Variants in INSL6 observed in about 807,000 individuals in gnomAD.
The protein encoded by INSL6 is insulin like 6.
In INSL6, 16 loss-of-function variants were observed where a neutral mutation model predicts 9.4. That is an observed-to-expected ratio of 1.70 (90% CI 1.15 to 2.59). INSL6 has a LOEUF of 2.59. Among genes scored for constraint, INSL6 ranks in the 30% most tolerant of loss-of-function variants. The pLI, the probability that INSL6 is intolerant of heterozygous loss-of-function variation, is 0.00. For missense variants in INSL6, 391 were observed against 257.3 expected (o/e 1.52, Z -3.56); for synonymous variants, 154 against 96.9 (o/e 1.59, Z -3.46).
At chr9:4,997,294 A>C in the INSL6 span, among the ~76,000 whole-genome samples, 1 of 152,166 alleles carries the variant, frequency 6.6e-6, no homozygotes, top group Admixed American at 6.5e-5. Context: ...TATAAAGAAA[A>C]GAGATTTAAT....
At chr9:5,018,520 G>A in the INSL6 span, among the ~76,000 whole-genome samples, 31 of 152,072 alleles carry the variant, frequency 2.0e-4, no homozygotes, top group Admixed American at 4.6e-4. Context: ...TGTATTTTTC[G>A]TAGACATGGG....
the INSL6 span, chr9:5,114,670 G>C: frequency 2.3e-6 from 1 of 441,230 alleles, no homozygotes; most frequent in African/African-American, 2.0e-5. Flanking sequence ...AAGGGCTCTG[G>C]CGTCTTAGTC....
chr9:5,032,926 C>G, the INSL6 span, among the ~76,000 whole-genome samples: 1 of 152,154 alleles, frequency 6.6e-6, no homozygotes, highest in African/African-American at 2.4e-5. Flanking sequence ...GAGAAGAAGG[C>G]TTCAGACGAT....
At chr9:5,000,811 A>G in the INSL6 span, among the ~76,000 whole-genome samples, 40,100 of 152,054 alleles carry the variant, frequency 0.26, 5,497 homozygotes, top group South Asian at 0.32. Context: ...CTGGATAAAG[A>G]AGGTGGTTGG....
chr9:5,036,926 A>T, the INSL6 span, among the ~76,000 whole-genome samples: 1 of 152,230 alleles, frequency 6.6e-6, no homozygotes, highest in Non-Finnish European at 1.5e-5. Context: ...TGAACAGGCA[A>T]CCTACAGAAT....
chr9:5,179,433 G>A (rs1006425188), intron 1 of INSL6, among the ~76,000 whole-genome samples: 2 of 152,204 alleles, frequency 1.3e-5, no homozygotes, highest in Non-Finnish European at 1.5e-5. Flanking sequence ...GGAAGACAGT[G>A]TGGTGATTTC....
chr9:5,135,077 G>C (rs1428496944), intron 2 of INSL6, among the ~76,000 whole-genome samples: 2 of 152,010 alleles, frequency 1.3e-5, no homozygotes, highest in Admixed American at 6.6e-5. Context: ...CGAAGATCAA[G>C]AGACAAAGAA....
At chr9:5,053,998 T>C in the INSL6 span, among the ~76,000 whole-genome samples, 1 of 152,022 alleles carries the variant, frequency 6.6e-6, no homozygotes, top group Non-Finnish European at 1.5e-5. Context: ...TACATAGAGA[T>C]GAATGTACAG....
At chr9:5,135,331 A>ATGTCTG (rs1824370709) in intron 2 of INSL6, among the ~76,000 whole-genome samples, 2 of 151,342 alleles carry the variant, frequency 1.3e-5, no homozygotes, top group Non-Finnish European at 3.0e-5. Context: ...TGGACCAAGC[A>ATGTCTG]GACCTAACAG....
the INSL6 span, among the ~76,000 whole-genome samples, chr9:5,013,361 T>C: frequency 1.3e-5 from 2 of 152,234 alleles, no homozygotes; most frequent in Non-Finnish European, 2.9e-5. Flanking sequence ...AAAATTTTGG[T>C]ATACTAAAGA....
At chr9:5,055,765 C>T in the INSL6 span, 26 of 1,610,384 alleles carry the variant, frequency 1.6e-5, no homozygotes, top group Non-Finnish European at 2.2e-5. Context: ...TGTAACTATC[C>T]ATAAGCAAGA....
intron 1 of INSL6, among the ~76,000 whole-genome samples, chr9:5,178,327 C>T (rs756665504): frequency 1.3e-5 from 2 of 152,146 alleles, no homozygotes; most frequent in South Asian, 2.1e-4. Context: ...GCCATCTCCA[C>T]GGTTCCCTTT....
chr9:5,120,360 A>T (rs1458736517), downstream of INSL6, among the ~76,000 whole-genome samples: 1 of 152,270 alleles, frequency 6.6e-6, no homozygotes, highest in Non-Finnish European at 1.5e-5. Context: ...GACACATAGC[A>T]AACACTAAAT....
intron 1 of INSL6, among the ~76,000 whole-genome samples, chr9:5,181,531 T>C (rs927831480): frequency 6.6e-6 from 1 of 151,292 alleles, no homozygotes; most frequent in Non-Finnish European, 1.5e-5. Context: ...AATTAAGGAC[T>C]TAATGTGAAA....
chr9:5,141,876 A>G (rs1824507689), intron 2 of INSL6, among the ~76,000 whole-genome samples: 1 of 152,180 alleles, frequency 6.6e-6, no homozygotes, highest in African/African-American at 2.4e-5. Context: ...TATTTAATCC[A>G]TTTTGTGTTA....
chr9:5,088,964 A>G, the INSL6 span, among the ~76,000 whole-genome samples: 5 of 152,362 alleles, frequency 3.3e-5, no homozygotes, highest in African/African-American at 1.2e-4. Flanking sequence ...TTAGCCCATA[A>G]CAGACACATT....
At chr9:5,064,790 ATTGTAT>A in the INSL6 span, 1 of 922,676 alleles carries the variant, frequency 1.1e-6, no homozygotes, top group African/African-American at 1.7e-5. Flanking sequence ...TTAGAAGAAA[ATTGTAT>A]TTAACATGGA....
chr9:5,108,172 T>A, the INSL6 span: 3 of 152,132 alleles, frequency 2.0e-5, no homozygotes, highest in Non-Finnish European at 4.4e-5. Flanking sequence ...TATTAACTGT[T>A]CAATGAATCA....
At chr9:5,023,384 G>T in the INSL6 span, among the ~76,000 whole-genome samples, 3 of 152,114 alleles carry the variant, frequency 2.0e-5, no homozygotes, top group East Asian at 1.9e-4. Context: ...TACGCATTCT[G>T]TTGTGAGCTG....
Sources: gnomAD v4.1 joint callset for allele counts (sites outside exome capture counted in the v4.1 genomes callset) on GRCh38, gnomAD v4.1.1 for gene constraint, MANE v1.5 for transcripts, NCBI Gene and HGNC (gene_info 2026-07-23, HGNC 2026-07-21) for gene names.